Variants in GABBR2 observed in about 807,000 individuals in gnomAD.
The protein encoded by GABBR2 is G-protein coupled receptor 51.
Under a neutral mutation model 105.6 loss-of-function variants are expected in GABBR2, and 23 were observed. That is an observed-to-expected ratio of 0.22 (90% confidence interval 0.16 to 0.31). GABBR2 has a LOEUF of 0.31. Ranked by LOEUF, GABBR2 falls within the 10% of genes least tolerant of loss-of-function variation. The probability of loss-of-function intolerance (pLI) is 1.00; values close to 1 mark genes in which losing one functional copy is unlikely to be tolerated. For missense variants in GABBR2, 734 were observed against 1,245.5 expected, an observed-to-expected ratio of 0.59 and a Z score of 6.18; for synonymous variants, 478 against 499.7, an observed-to-expected ratio of 0.96 and a Z score of 0.58.
intron 13 of GABBR2, among the ~76,000 whole-genome samples, chr9:98,325,717 G>A (rs1218964455): frequency 2.0e-5 from 3 of 152,138 alleles, no homozygotes; most frequent in Non-Finnish European, 4.4e-5. Flanking sequence ...GTTCACCTGG[G>A]GCTGTTCCTG....
intron 1 of GABBR2, among the ~76,000 whole-genome samples, chr9:98,684,875 T>C (rs544839123): frequency 6.6e-6 from 1 of 152,354 alleles, no homozygotes; most frequent in African/African-American, 2.4e-5. Context: ...CAAGGCCAGC[T>C]GCTGCATCAC....
intron 1 of GABBR2, among the ~76,000 whole-genome samples, chr9:98,702,397 C>G (rs549197717): frequency 7.2e-5 from 11 of 152,264 alleles, no homozygotes; most frequent in Middle Eastern, 6.8e-3. Flanking sequence ...GCCCCATCAC[C>G]GCTCCCTTCA....
At chr9:98,485,960 T>G (rs999113494) in intron 4 of GABBR2, among the ~76,000 whole-genome samples, 1 of 152,076 alleles carries the variant, frequency 6.6e-6, no homozygotes, top group Non-Finnish European at 1.5e-5. Context: ...CCGGCCCCCC[T>G]GCTGAAAGTT....
intron 3 of GABBR2, among the ~76,000 whole-genome samples, chr9:98,517,893 G>A (rs10986509): frequency 9.7e-4 from 54 of 55,732 alleles, no homozygotes; most frequent in Admixed American, 2.5e-3. Flanking sequence ...AGAGTCCAGA[G>A]GGAGTCAGAG....
intron 3 of GABBR2, among the ~76,000 whole-genome samples, chr9:98,502,917 C>T (rs1213720478): frequency 1.3e-5 from 2 of 152,224 alleles, no homozygotes; most frequent in Admixed American, 1.3e-4. Context: ...TTCATTCACT[C>T]ACTTATTCAC....
At chr9:98,607,088 T>C in intron 1 of GABBR2, 6 of 1,575,294 alleles carry the variant, frequency 3.8e-6, no homozygotes, top group Non-Finnish European at 4.4e-6. Flanking sequence ...CTGGTTTTGA[T>C]TCACGCTATG....
intron 9 of GABBR2, among the ~76,000 whole-genome samples, chr9:98,391,719 T>A (rs1469899788): frequency 6.6e-6 from 1 of 151,808 alleles, no homozygotes; most frequent in Non-Finnish European, 1.5e-5. Flanking sequence ...AGCAGTTTAG[T>A]TGGGGGGAAT....
chr9:98,681,142 C>T lies in GABBR2; in HGVS notation c.321+27275G>A, dbSNP rs578229898. ...ATGCTGCTATAAAGACACATGCACA[C>T]GTATGTTTATTGCGGCATTATTCAC... On this transcript the variant is annotated intron_variant, in intron 1 of 18. Transcript: ENST00000259455. 1.3e-3 allele frequency among the ~76,000 whole-genome samples: 186 copies of T among 147,712 alleles called. 2 individuals carry two copies. Among genetic ancestry groups the T allele is most frequent in the African/African-American group, 4.4e-3 (174 of 39,552 alleles).
At chr9:98,323,986 C>T (rs1289523344) in intron 13 of GABBR2, among the ~76,000 whole-genome samples, 1 of 152,154 alleles carries the variant, frequency 6.6e-6, no homozygotes, top group Non-Finnish European at 1.5e-5. Flanking sequence ...ATTAGATCTG[C>T]CCAACCACCC....
In GABBR2 at chr9:98,514,388, A is replaced by G. The variant is rs528331600; in HGVS notation, c.631-17874T>C. ...CCTGCACAATGTGCACATGTACCCT[A>G]AAACTTAAAGTATAATAATAATAAT... On this transcript the variant is annotated intron_variant, in intron 3 of 18. Coordinates refer to ENST00000259455, the MANE Select transcript of GABBR2 (RefSeq NM_005458.8). Among the ~76,000 whole-genome samples the G allele has an allele frequency of 3.9e-3, 310 of 80,186 alleles. 23 individuals carry two copies. The highest frequency in any genetic ancestry group is 0.012 in the African/African-American group (283 of 22,930). The allele number at this position is 80,186 out of a possible 152,430, so 52.6% of individuals were successfully genotyped here. A position where few individuals can be genotyped will look rare whatever the true frequency, so the allele number is the denominator to read the frequency against.
At chr9:98,421,210 A>G (rs1188166474) in intron 7 of GABBR2, among the ~76,000 whole-genome samples, 7 of 152,252 alleles carry the variant, frequency 4.6e-5, no homozygotes, top group Admixed American at 6.5e-5. Context: ...AGTAATTCAC[A>G]GTCTCAACAT....
chr9:98,607,031 A>G, intron 1 of GABBR2: 5 of 1,193,068 alleles, frequency 4.2e-6, no homozygotes, highest in Non-Finnish European at 6.2e-6. Context: ...GCTATGTGGG[A>G]TTTGCCAATC....
In GABBR2 at chr9:98,684,169, TAAA is replaced by T. The variant is rs3032196; in HGVS notation, c.321+24245_321+24247del. Among the ~76,000 whole-genome samples, 167 of 66,136 alleles carry T rather than the reference TAAA, an allele frequency of 2.5e-3. 2 individuals carry two copies. The highest frequency in any genetic ancestry group is 8.3e-3 in the African/African-American group (132 of 15,862). The allele number at this position is 66,136 out of a possible 152,430, so 43.4% of individuals were successfully genotyped here. ...AAAAGAAGAATGCATTTTACCACGG[TAAA>T]AAAAAAAAAAAAAAAAAAAAAAATT... On this transcript the variant is annotated intron_variant, in intron 1 of 18. Transcript: ENST00000259455.
At chr9:98,590,346 A>C (rs1317335011) in intron 1 of GABBR2, among the ~76,000 whole-genome samples, 2 of 152,214 alleles carry the variant, frequency 1.3e-5, no homozygotes, top group Non-Finnish European at 2.9e-5. Context: ...TTCTCCCTGA[A>C]GCTGTCACTC....
At chr9:98,443,481 G>T (rs958904930) in intron 7 of GABBR2, among the ~76,000 whole-genome samples, 2 of 152,134 alleles carry the variant, frequency 1.3e-5, no homozygotes, top group African/African-American at 4.8e-5. Context: ...GCAGTCATTT[G>T]TAATTGTATT....
Position 98,417,936 on chromosome 9 carries a change from G to C in GABBR2, c.1237-11795C>G, listed in dbSNP as rs1832716652. ...CAGTGCATGCAAAGCCTAGAGGCAAGAGACAGTGTGGCTCTTTGGAGGAGT... is the reference window on the plus strand; with the variant it reads ...CAGTGCATGCAAAGCCTAGAGGCAACAGACAGTGTGGCTCTTTGGAGGAGT... On this transcript the variant is annotated intron_variant, in intron 7 of 18. Coordinates refer to ENST00000259455, the MANE Select transcript of GABBR2 (RefSeq NM_005458.8). 2.0e-5 allele frequency among the ~76,000 whole-genome samples: 3 copies of C among 152,298 alleles called. 1 individual carries two copies. The Middle Eastern group carries it at 0.01, about 518-fold the overall frequency.
chr9:98,358,929 T>A (rs1016583300), intron 13 of GABBR2, among the ~76,000 whole-genome samples: 6 of 152,010 alleles, frequency 3.9e-5, no homozygotes, highest in African/African-American at 1.4e-4. Flanking sequence ...CCACCTGGGG[T>A]GGAATCCAGG....
rs1554725807 is a variant in GABBR2, at chr9:98,682,364, A to ATCT, written c.321+26050_321+26052dup. On this transcript the variant is annotated intron_variant, in intron 1 of 18. Coordinates refer to ENST00000259455, the MANE Select transcript of GABBR2 (RefSeq NM_005458.8). ...CACGAGATAGGAGATGGATTTTACC[A>ATCT]TCTTTTTTTTTTTTTTTTTTTTTTT... Among the ~76,000 whole-genome samples, 86 of 114,052 alleles carry ATCT rather than the reference A, an allele frequency of 7.5e-4. 1 individual carries two copies. Among genetic ancestry groups the ATCT allele is most frequent in the African/African-American group, 2.8e-3 (83 of 30,174 alleles). The allele number at this position is 114,052 out of a possible 152,430, so 74.8% of individuals were successfully genotyped here. A position where few individuals can be genotyped will look rare whatever the true frequency, so the allele number is the denominator to read the frequency against.
intron 4 of GABBR2, among the ~76,000 whole-genome samples, chr9:98,492,349 TAAAAAAAAAAAAA>T (rs574771107): frequency 8.9e-4 from 26 of 29,216 alleles, no homozygotes; most frequent in South Asian, 3.4e-3. Flanking sequence ...TGTTTCCTAG[TAAAAAAAAAAAAA>T]AAAAAAAAAA....
Sources: gnomAD v4.1 joint callset for allele counts (sites outside exome capture counted in the v4.1 genomes callset) on GRCh38, gnomAD v4.1.1 for gene constraint, MANE v1.5 for transcripts, NCBI Gene and HGNC (gene_info 2026-07-23, HGNC 2026-07-21) for gene names.